The following CTBP2 variants were observed in gnomAD, a reference collection of about 807,000 sequenced individuals.
CTBP2 encodes the protein C-terminal-binding protein 2.
Under a neutral mutation model 80.3 loss-of-function variants are expected in CTBP2, and 30 were observed. That is an observed-to-expected ratio of 0.37 (90% CI 0.28 to 0.51). The LOEUF (loss-of-function observed/expected upper bound fraction) is 0.51, where lower values mean the gene tolerates loss of function less well. Ranked by LOEUF, CTBP2 falls within the 20% of genes least tolerant of loss-of-function variation. CTBP2 has a pLI of 0.93. For synonymous variants in CTBP2, 594 were observed against 587.4 expected (o/e 1.01, Z -0.16); for missense variants, 1,212 against 1,375.3 (o/e 0.88, Z 1.88).
chr10:125,133,883 AACT>A (rs1856561940), intron 1 of CTBP2, among the ~76,000 whole-genome samples: 2 of 152,216 alleles, frequency 1.3e-5, no homozygotes, highest in African/African-American at 4.8e-5. Flanking sequence ...CCATGTGGAA[AACT>A]ACAACTGACT....
chr10:125,063,700 CTG>C (rs1844187559), intron 2 of CTBP2, among the ~76,000 whole-genome samples: 1 of 152,206 alleles, frequency 6.6e-6, no homozygotes, highest in Admixed American at 6.5e-5. Flanking sequence ...TGAGTTATTG[CTG>C]TGTTTTCTCT....
chr10:125,026,835 C>T lies in CTBP2; in HGVS notation c.925G>A (p.Ala309Thr). The T allele has an allele frequency of 6.2e-7, 1 of 1,613,574 alleles. No individual in the cohort carries two copies. The highest frequency in any genetic ancestry group is 8.5e-7 in the Non-Finnish European group (1 of 1,180,004). The change falls in exon 1 of 9, where the codon GCC becomes ACC. Residue 309 changes from alanine (A) to threonine (T), a missense_variant. By Grantham distance (58) the Ala-to-Thr change is moderately conservative. Coordinates refer to ENST00000309035, the MANE Select transcript of CTBP2 (RefSeq NM_022802.3). ...GAGTCAAAGCCCTGCTGCAGTAGGG[C>T]TCCCAGCGTGGCCTCTGCCAGCCCC...
At chr10:125,073,331 T>C (rs570473190) in intron 2 of CTBP2, among the ~76,000 whole-genome samples, 13 of 152,298 alleles carry the variant, frequency 8.5e-5, no homozygotes, top group Middle Eastern at 3.4e-3. Context: ...CCGAGTTCAA[T>C]TGACCAGGTT....
At chr10:125,008,504 C>T (rs538887947) in intron 1 of CTBP2, among the ~76,000 whole-genome samples, 28 of 152,352 alleles carry the variant, frequency 1.8e-4, no homozygotes, top group Middle Eastern at 3.4e-3. Flanking sequence ...AGGAGGGAGC[C>T]TCTGTGGAAT....
chr10:125,145,737 C>T (rs1007441048), intron 1 of CTBP2, among the ~76,000 whole-genome samples: 3 of 152,154 alleles, frequency 2.0e-5, no homozygotes, highest in Non-Finnish European at 4.4e-5. Flanking sequence ...TGGTAACAAA[C>T]AGCTAGCGTG....
chr10:125,114,993 C>T (rs373256341), intron 1 of CTBP2, among the ~76,000 whole-genome samples: 1 of 152,228 alleles, frequency 6.6e-6, no homozygotes, highest in South Asian at 2.1e-4. Flanking sequence ...TTGAGGCTTT[C>T]TGCTTGAACT....
chr10:125,071,751 C>T (rs932036678), intron 2 of CTBP2, among the ~76,000 whole-genome samples: 1 of 152,134 alleles, frequency 6.6e-6, no homozygotes, highest in Non-Finnish European at 1.5e-5. Context: ...ATGGTTCTTC[C>T]TTCCATCACA....
chr10:125,065,783 C>T (rs1347845629), intron 2 of CTBP2, among the ~76,000 whole-genome samples: 1 of 152,184 alleles, frequency 6.6e-6, no homozygotes, highest in African/African-American at 2.4e-5. Flanking sequence ...TTTCATTCAG[C>T]TGGCTTTCCA....
chr10:125,149,360 C>A (rs1425348833), intron 1 of CTBP2, among the ~76,000 whole-genome samples: 1 of 152,126 alleles, frequency 6.6e-6, no homozygotes, highest in Non-Finnish European at 1.5e-5. Context: ...CCACCCTCTT[C>A]CAGGTGGAGT....
intron 1 of CTBP2, among the ~76,000 whole-genome samples, chr10:125,113,092 C>T (rs1274578530): frequency 6.6e-6 from 1 of 152,182 alleles, no homozygotes; most frequent in Non-Finnish European, 1.5e-5. Flanking sequence ...TAGTAATTCA[C>T]TCCCAACTGT....
At chr10:125,029,774 C>T (rs1295293574), upstream of CTBP2, among the ~76,000 whole-genome samples, 2 of 152,200 alleles carry the variant, frequency 1.3e-5, no homozygotes, top group Non-Finnish European at 2.9e-5. Flanking sequence ...TCACCAGCTT[C>T]TTTGCTATCT....
chr10:125,018,420 G>A (rs185168929), intron 1 of CTBP2, among the ~76,000 whole-genome samples: 1 of 152,256 alleles, frequency 6.6e-6, no homozygotes, highest in Non-Finnish European at 1.5e-5. Context: ...TTCTTGGGAA[G>A]CAGAGGTTGC....
In CTBP2 at chr10:125,026,390, AG is replaced by A. The variant is rs1402004856; in HGVS notation, c.1369del (p.Leu457CysfsTer7). The A allele has an allele frequency of 2.5e-6, 4 of 1,610,814 alleles. No individual in the cohort carries two copies. The highest frequency in any genetic ancestry group is 3.4e-6 in the Non-Finnish European group (4 of 1,177,822). Reference sequence around the variant, plus strand: ...GTTAGTCAAGGCCACCCCTGCCTGCAGGGGGTACGTGGGGCTCAGACGCGCT... The same window carrying A: ...GTTAGTCAAGGCCACCCCTGCCTGCAGGGGTACGTGGGGCTCAGACGCGCT... On this transcript the variant is annotated frameshift_variant, in exon 1 of 9. Coordinates refer to ENST00000309035, the MANE Select transcript of CTBP2 (RefSeq NM_022802.3). LOFTEE classifies it high-confidence loss of function.
rs1952027078 is a variant in CTBP2 at position 124,986,074 on chromosome 10, G to A, written c.*3444C>T. On this transcript the variant is annotated 3_prime_UTR_variant, in exon 9 of 9. Coordinates refer to ENST00000309035, the MANE Select transcript of CTBP2 (RefSeq NM_022802.3). ...GAGAATTTTTGCATGTTGGTTAATT[G>A]TGGCCATTCTTTAATTTAAAGTTAA... The A allele has an allele frequency of 6.6e-6, 1 of 152,612 alleles. No individual in the cohort carries two copies. Among genetic ancestry groups the A allele is most frequent in the African/African-American group, 2.4e-5 (1 of 41,442 alleles). 9.5% of individuals were successfully genotyped at this position (152,612 alleles called of 1,614,324 possible).
At chr10:125,019,032 A>T (rs1253545442) in intron 1 of CTBP2, among the ~76,000 whole-genome samples, 1 of 152,202 alleles carries the variant, frequency 6.6e-6, no homozygotes, top group Non-Finnish European at 1.5e-5. Context: ...CTCTCCTAAC[A>T]ATTTGGCAAA....
intron 1 of CTBP2, among the ~76,000 whole-genome samples, chr10:125,021,187 A>C (rs1417364176): frequency 6.6e-6 from 1 of 152,178 alleles, no homozygotes; most frequent in Non-Finnish European, 1.5e-5. Flanking sequence ...CCACGACAAG[A>C]AAAGCGCCAT....
intron 1 of CTBP2, among the ~76,000 whole-genome samples, chr10:125,158,020 G>T (rs1861241246): frequency 6.6e-6 from 1 of 152,158 alleles, no homozygotes; most frequent in Admixed American, 6.5e-5. Context: ...CAACATTAAA[G>T]CAGCTATGAC....
At chr10:125,121,511 G>A (rs1854317680) in intron 1 of CTBP2, among the ~76,000 whole-genome samples, 1 of 152,084 alleles carries the variant, frequency 6.6e-6, no homozygotes, top group South Asian at 2.1e-4. Context: ...AACCCACCAT[G>A]TACAAACTAC....
At chr10:124,993,523 T>A (rs1020187426) in intron 6 of CTBP2, among the ~76,000 whole-genome samples, 194 bp from the exon 9 acceptor site, 1 of 152,178 alleles carries the variant, frequency 6.6e-6, no homozygotes. Flanking sequence ...AAGAACCGTA[T>A]AATTGGTAGA....
Sources: gnomAD v4.1 joint callset for allele counts (sites outside exome capture counted in the v4.1 genomes callset) on GRCh38, gnomAD v4.1.1 for gene constraint, MANE v1.5 for transcripts, NCBI Gene and HGNC (gene_info 2026-07-23, HGNC 2026-07-21) for gene names.